POU6F1: variants seen among roughly 807,000 people sequenced by gnomAD.
The protein encoded by POU6F1 is POU class 6 homeobox 1.
POU6F1 carries 9 observed loss-of-function variants against 28.9 expected under a neutral mutation model. That is an observed-to-expected ratio of 0.31 (90% CI 0.19 to 0.54). The LOEUF is 0.54. POU6F1 is among the 20% of genes least tolerant of loss of function. The pLI, the probability that POU6F1 is intolerant of heterozygous loss-of-function variation, is 0.94. For missense variants in POU6F1, 338 were observed against 426.1 expected, an observed-to-expected ratio of 0.79 and a Z score of 1.82; for synonymous variants, 173 against 171.1, an observed-to-expected ratio of 1.01 and a Z score of -0.09.
Position 51,191,584 on chromosome 12 carries a change from A to G in POU6F1, c.1490+12T>C. ...AGCAGGCCCTAATCCTGTCTAGGGC[A>G]GCCTTACTCACCGGCAGATGGCTGA... On this transcript the variant is annotated intron_variant, in intron 10 of 10. Transcript: ENST00000333640. 1 of 1,611,676 alleles carries G rather than the reference A, an allele frequency of 6.2e-7. No individual in the cohort carries two copies. Among genetic ancestry groups the G allele is most frequent in the Non-Finnish European group, 8.5e-7 (1 of 1,179,300 alleles).
intron 8 of POU6F1, among the ~76,000 whole-genome samples, chr12:51,193,143 C>T (rs1466202442): frequency 6.6e-6 from 1 of 152,190 alleles, no homozygotes; most frequent in Non-Finnish European, 1.5e-5. Flanking sequence ...CAGCCTCAAC[C>T]TGATTTTAGA....
In POU6F1 at chr12:51,196,908, C is replaced by T; in HGVS notation, c.866G>A (p.Gly289Glu). The change falls in exon 7 of 11, where the codon GGG becomes GAG. Residue 289 changes from glycine to glutamate, a missense_variant. By Grantham distance (98) the Gly-to-Glu change is moderately conservative. Coordinates refer to ENST00000333640, the MANE Select transcript of POU6F1 (RefSeq NM_001330422.2). ...SPGIISAASL[G>E]GQTQILGSLT... is the part of the protein sequence containing the mutation. ...GGACCCCAGGATCTGGGTCTGTCCCCCGAGGGAAGCAGCACTGATCTGTGG... is the reference window on the plus strand; with the variant it reads ...GGACCCCAGGATCTGGGTCTGTCCCTCGAGGGAAGCAGCACTGATCTGTGG... The T allele has an allele frequency of 6.3e-7, 1 of 1,598,002 alleles. No individual in the cohort carries two copies. The highest frequency in any genetic ancestry group is 8.6e-7 in the Non-Finnish European group (1 of 1,166,056).
In POU6F1 at chr12:51,190,350, G is replaced by A. The variant is rs757180673; in HGVS notation, c.1733C>T (p.Ala578Val). ...CTCACGGTCGTAGTTGAGCTCCTTA[G>A]CAATTTCAGTGATCTCCTGGCCTGT... ...LPTGQEITEI[A>V]KELNYDREVV... Residue 578 changes from alanine to valine, a missense_variant, in exon 11 of 11, where the codon GCT becomes GTT. Around this residue, in one of 3 missense-constraint regions of POU6F1, gnomAD observed 126 missense variants for 176.5 expected, o/e 0.71. Coordinates refer to ENST00000333640, the MANE Select transcript of POU6F1 (RefSeq NM_001330422.2). The surrounding 1 kb of genome is among the most constrained non-coding windows in gnomAD (Gnocchi z 4.5). 15 of 1,614,184 alleles carry A rather than the reference G, an allele frequency of 9.3e-6. No homozygotes were observed. Among genetic ancestry groups the A allele is most frequent in the Non-Finnish European group, 1.1e-5 (13 of 1,180,034 alleles).
Position 51,204,239 on chromosome 12 carries a change from C to A in POU6F1, c.178G>T (p.Ala60Ser). The A allele has an allele frequency of 2.5e-6, 1 of 399,194 alleles. No individual in the cohort carries two copies. The highest frequency in any genetic ancestry group is 4.4e-6 in the Non-Finnish European group (1 of 226,212). The allele number at this position is 399,194 out of a possible 1,614,324, so 24.7% of individuals were successfully genotyped here. ...AAEGSQSGDP[A>S]EASQAAGEAG... The stretch of plus-strand genomic sequence containing the variant: ...TCACCAGCAGCTTGACTGGCTTCAG[C>A]AGGGTCTCCGCTCTGGGAGCCCTCG... The change falls in exon 3 of 11, where the codon GCT becomes TCT. Residue 60 changes from alanine to serine, a missense_variant. By Grantham distance (99) the Ala-to-Ser change is moderately conservative (BLOSUM62 1). Transcript: ENST00000333640.
chr12:51,198,130 G>A, intron 5 of POU6F1, 107 bp from the exon 6 acceptor site: 1 of 398,196 alleles, frequency 2.5e-6, no homozygotes, highest in Non-Finnish European at 4.4e-6. Flanking sequence ...TGGGGCAGTG[G>A]GCTCAGTGGG....
chr12:51,203,026 G>A (rs529905316), intron 3 of POU6F1, among the ~76,000 whole-genome samples: 2 of 152,180 alleles, frequency 1.3e-5, no homozygotes, highest in South Asian at 2.1e-4. Context: ...AGCTTAGGTG[G>A]TGCCATCAAA....
intron 8 of POU6F1, among the ~76,000 whole-genome samples, chr12:51,194,640 CAAAAA>C (rs1166055503): frequency 1.3e-5 from 1 of 77,128 alleles, no homozygotes. Context: ...ACCCTGGTCT[CAAAAA>C]AAAAAAAAAA....
intron 8 of POU6F1, among the ~76,000 whole-genome samples, chr12:51,194,091 A>G (rs2137108344): frequency 6.6e-6 from 1 of 152,114 alleles, no homozygotes; most frequent in Middle Eastern, 3.4e-3. Context: ...CAGTAGCATG[A>G]TCTCGGCTCA....
In POU6F1 at chr12:51,190,070, T is replaced by A. The variant is rs1231098990; in HGVS notation, c.*177A>T. ...GTGGCCCCCTCTGGCCTCCCCATGA[T>A]GTGAGATGTGTGGGAGAAAAGAGGG... On this transcript the variant is annotated 3_prime_UTR_variant, in exon 11 of 11. Transcript: ENST00000333640. The surrounding 1 kb of genome is among the most constrained non-coding windows in gnomAD (Gnocchi z 4.5). 1 of 1,203,038 alleles carries A rather than the reference T, an allele frequency of 8.3e-7. No homozygotes were observed. Among genetic ancestry groups the A allele is most frequent in the Non-Finnish European group, 1.1e-6 (1 of 887,456 alleles). The allele number at this position is 1,203,038 out of a possible 1,614,324, so 74.5% of individuals were successfully genotyped here.
rs1363347628 is a variant in POU6F1 at position 51,197,788 on chromosome 12, G to A, written c.828C>T (p.Phe276=). 2.0e-5 allele frequency: 8 copies of A among 395,044 alleles called. No homozygotes were observed. The highest frequency in any genetic ancestry group is 6.2e-5 in the African/African-American group (3 of 48,390). The allele number at this position is 395,044 out of a possible 1,614,324, so 24.5% of individuals were successfully genotyped here. A position where few individuals can be genotyped will look rare whatever the true frequency, so the allele number is the denominator to read the frequency against. The change falls in exon 6 of 11, where the codon TTC becomes TTT. Residue 276 remains phenylalanine (F), a synonymous_variant. Transcript: ENST00000333640. ...PPQITVQPAG[F]AFSPGIISAA... ...AGCTTACGATTCCTGGGCTAAATGC[G>A]AAGCCTGCAGGCTGGACGGTGATCT... is the stretch of plus-strand genomic sequence containing the variant.
At chr12:51,191,530 C>T in intron 10 of POU6F1, 66 bp downstream of exon 10, 1 of 1,556,182 alleles carries the variant, frequency 6.4e-7, no homozygotes, top group Non-Finnish European at 8.7e-7. Context: ...CTCAGGTTCC[C>T]ATGAGTGCCC....
chr12:51,211,626 G>A (rs761515060), intron 1 of POU6F1, among the ~76,000 whole-genome samples: 1 of 152,104 alleles, frequency 6.6e-6, no homozygotes, highest in Non-Finnish European at 1.5e-5. Flanking sequence ...AGTGGTACAC[G>A]CCTATGGTTC....
Position 51,190,633 on chromosome 12 carries a change from G to T in POU6F1, c.1491-41C>A. The T allele has an allele frequency of 6.3e-7, 1 of 1,596,714 alleles. No individual in the cohort carries two copies. On this transcript the variant is annotated intron_variant, in intron 10 of 10. Coordinates refer to ENST00000333640, the MANE Select transcript of POU6F1 (RefSeq NM_001330422.2). The surrounding 1 kb of genome is among the most constrained non-coding windows in gnomAD (Gnocchi z 4.5). ...ACCCAGGAAGAGGCAGTGAGAGCAT[G>T]TTGGTCTCTTTGGCACACCCCGCAC...
intron 1 of POU6F1, among the ~76,000 whole-genome samples, chr12:51,212,143 G>A (rs1471668038): frequency 1.3e-5 from 2 of 151,956 alleles, no homozygotes; most frequent in Admixed American, 6.6e-5. Context: ...ACCCAGGCTG[G>A]AGTCCAGTGG....
chr12:51,190,556 C>T lies in POU6F1; in HGVS notation c.1527G>A (p.Gln509=), dbSNP rs761385998. Residue 509 remains glutamine (Q), a synonymous_variant, in exon 11 of 11, where the codon CAG becomes CAA. Coordinates refer to ENST00000333640, the MANE Select transcript of POU6F1 (RefSeq NM_001330422.2). This position sits in a 1 kb window ranked among gnomAD's most constrained non-coding sequence, Gnocchi z 4.5. ...ACTTTTCCAGCACCGGCTTTAGCTT[C>T]TGGGCACTCTTGGGTGTGATGTCTA... The part of the protein sequence containing the change: ...EKLDITPKSA[Q]KLKPVLEKWL... 25 of 1,614,052 alleles carry T rather than the reference C, an allele frequency of 1.5e-5. No individual in the cohort carries two copies. The Admixed American group carries it at 3.5e-4, about 23-fold the overall frequency.
At position 51,188,768 on chromosome 12, in the gene POU6F1, T is replaced by TA. The variant is rs1029238082; in HGVS notation, c.*1478dup. 5.9e-5 allele frequency: 9 copies of TA among 152,330 alleles called. No individual in the cohort carries two copies. Among genetic ancestry groups the TA allele is most frequent in the East Asian group, 1.9e-4 (1 of 5,176 alleles). 9.4% of individuals were successfully genotyped at this position (152,330 alleles called of 1,614,324 possible). The stretch of plus-strand genomic sequence containing the variant: ...TGGGAGGTCCACTGGAGGCAGCTGT[T>TA]AGAGACCAGCCTCTGTAAGGATAAG... On this transcript the variant is annotated 3_prime_UTR_variant, in exon 11 of 11. Coordinates refer to ENST00000333640, the MANE Select transcript of POU6F1 (RefSeq NM_001330422.2).
chr12:51,207,787 C>T (rs751112936), intron 1 of POU6F1: 2 of 152,184 alleles, frequency 1.3e-5, no homozygotes, highest in Non-Finnish European at 2.9e-5. Context: ...GAGTCTGATT[C>T]AGTGGGTGAA....
rs913208116 is a variant in POU6F1 at position 51,187,981 on chromosome 12, T to C, written c.*2266A>G. 1 of 152,252 alleles carries C rather than the reference T, an allele frequency of 6.6e-6. No homozygotes were observed. The highest frequency in any genetic ancestry group is 1.5e-5 in the Non-Finnish European group (1 of 68,054). The allele number at this position is 152,252 out of a possible 1,614,324, so 9.4% of individuals were successfully genotyped here. A position where few individuals can be genotyped will look rare whatever the true frequency, so the allele number is the denominator to read the frequency against. ...CCGAGTCTTGCTCTGTCACCCAGGC[T>C]GGAGTGAAGTAGTGTGATCTCAGCT... On this transcript the variant is annotated 3_prime_UTR_variant, in exon 11 of 11. Coordinates refer to ENST00000333640, the MANE Select transcript of POU6F1 (RefSeq NM_001330422.2).
chr12:51,203,767 G>T (rs1943382475), intron 3 of POU6F1, among the ~76,000 whole-genome samples: 1 of 152,080 alleles, frequency 6.6e-6, no homozygotes, highest in South Asian at 2.1e-4. Flanking sequence ...GAAAAAGGAG[G>T]CCCAAGGCTT....
Sources: allele counts gnomAD v4.1 joint callset (sites outside exome capture counted in the v4.1 genomes callset), GRCh38; gene constraint gnomAD v4.1.1; regional missense constraint gnomAD v4.1.1; non-coding constraint Gnocchi (gnomAD v3.1); transcripts MANE v1.5; gene names NCBI Gene and HGNC (gene_info 2026-07-23, HGNC 2026-07-21).